COL4A4: variants seen among roughly 807,000 people sequenced by gnomAD.
COL4A4 encodes collagen type IV alpha 4 chain.
A neutral mutation model predicts 192.9 loss-of-function variants in COL4A4; 105 were observed. The ratio of observed to expected loss-of-function variants is 0.54; its 90% CI spans 0.46 to 0.64. The LOEUF (loss-of-function observed/expected upper bound fraction) is 0.64, where lower values mean the gene tolerates loss of function less well. Ranked by LOEUF, COL4A4 falls within the 30% of genes least tolerant of loss-of-function variation. COL4A4 has a pLI of 0.00. For missense variants in COL4A4, 1,967 were observed against 2,169.3 expected, an observed-to-expected ratio of 0.91 and a Z score of 1.85; for synonymous variants, 762 against 769.9, an observed-to-expected ratio of 0.99 and a Z score of 0.17.
chr2:227,017,058 TCTGTCTCAC>T (rs1485295164), intron 44 of COL4A4, among the ~76,000 whole-genome samples: 2 of 152,202 alleles, frequency 1.3e-5, no homozygotes, highest in Non-Finnish European at 2.9e-5. Context: ...CATTCCTTTC[TCTGTCTCAC>T]CCAACAAGAT....
At chr2:227,041,832 GAAAGAAAGAA>G (rs1971211007) in intron 37 of COL4A4, among the ~76,000 whole-genome samples, 1 of 47,352 alleles carries the variant, frequency 2.1e-5, no homozygotes, top group African/African-American at 1.2e-4. Flanking sequence ...AAGAAAGAAA[GAAAGAAAGAA>G]AGAAAGAGAA....
At position 227,007,571 on chromosome 2, in the gene COL4A4, G is replaced by T; in HGVS notation, c.4827C>A (p.Asp1609Glu). 6.2e-7 allele frequency: 1 copy of T among 1,612,580 alleles called. No homozygotes were observed. The highest frequency in any genetic ancestry group is 8.5e-7 in the Non-Finnish European group (1 of 1,180,020). ...YSFLMHTGAG[D>E]QGGGQALMSP... ...ACATAAGGGCCTGCCCTCCTCCTTG[G>T]TCCCCAGCTCCTGTGTGCTACCCAG... Residue 1609 changes from aspartate to glutamate, a missense_variant, in exon 48 of 48, where the codon GAC (aspartate) becomes GAA (glutamate). Coordinates refer to ENST00000396625, the MANE Select transcript of COL4A4 (RefSeq NM_000092.5).
At chr2:227,092,898 A>C (rs13401602) in intron 20 of COL4A4, among the ~76,000 whole-genome samples, 10,560 of 152,258 alleles carry the variant, frequency 0.069, 676 homozygotes, top group African/African-American at 0.16. Flanking sequence ...CTGAATTGGA[A>C]AAATTGAGAA....
intron 30 of COL4A4, 58 bp from the exon 31 acceptor site, chr2:227,054,795 C>T: frequency 1.3e-6 from 2 of 1,537,104 alleles, no homozygotes; most frequent in African/African-American, 2.8e-5. Context: ...TTTATTTTTT[C>T]AGGGGTGGGA....
Position 227,111,671 on chromosome 2 carries a change from G to A in COL4A4, c.594+7C>T, listed in dbSNP as rs2124851957. 2 of 1,613,988 alleles carry A rather than the reference G, an allele frequency of 1.2e-6. No individual in the cohort carries two copies. Among genetic ancestry groups the A allele is most frequent in the South Asian group, 2.2e-5 (2 of 91,076 alleles). On this transcript the variant is annotated splice_region_variant and intron_variant, in intron 9 of 47. Transcript: ENST00000396625. ...ATAGAAGCATAGAGCCTGCTCAGGA[G>A]ACTTACTGGTAAGCCAGGCAGTCCT...
In COL4A4 at chr2:227,005,638, A is replaced by G. The variant is rs538453112; in HGVS notation, c.*1687T>C. 1 of 152,246 alleles carries G rather than the reference A, an allele frequency of 6.6e-6. No homozygotes were observed. The highest frequency in any genetic ancestry group is 2.4e-5 in the African/African-American group (1 of 41,468). The allele number at this position is 152,246 out of a possible 1,614,324, so 9.4% of individuals were successfully genotyped here. A position where few individuals can be genotyped will look rare whatever the true frequency, so the allele number is the denominator to read the frequency against. The stretch of plus-strand genomic sequence containing the variant: ...CCACCCTGGGGGCAGCCCATAGCAA[A>G]ACTCATTTGAAATGTGTTCTGCATA... On this transcript the variant is annotated 3_prime_UTR_variant, in exon 48 of 48. Transcript: ENST00000396625.
At position 227,109,341 on chromosome 2, in the gene COL4A4, CAG is replaced by C. The variant is rs879219305; in HGVS notation, c.595-57_595-56del. Reference sequence around the variant, plus strand: ...TACCCAAAATTGTAATCATCTTTCACAGAAAGAGTTGCGTGTGATCCCATGTG... The same window carrying C: ...TACCCAAAATTGTAATCATCTTTCACAAAGAGTTGCGTGTGATCCCATGTG... On this transcript the variant is annotated intron_variant, in intron 9 of 47. Transcript: ENST00000396625. 2.1e-5 allele frequency: 30 copies of C among 1,409,614 alleles called. 1 individual carries two copies. In the South Asian group the frequency reaches 3.3e-4, roughly 16 times the overall value. The allele number at this position is 1,409,614 out of a possible 1,614,324, so 87.3% of individuals were successfully genotyped here. A position where few individuals can be genotyped will look rare whatever the true frequency, so the allele number is the denominator to read the frequency against.
intron 12 of COL4A4, among the ~76,000 whole-genome samples, chr2:227,104,797 T>C (rs13411246): frequency 0.56 from 84,623 of 150,758 alleles, 24,251 homozygotes; most frequent in Middle Eastern, 0.67. Context: ...TGCGCCACCA[T>C]GCCCGGCTAA....
chr2:227,059,762 T>C, intron 27 of COL4A4, 139 bp from the exon 28 acceptor site: 1 of 737,362 alleles, frequency 1.4e-6, no homozygotes, highest in Non-Finnish European at 2.3e-6. Context: ...TTAACAGTAA[T>C]GTTGTTTTGC....
At chr2:227,067,204 C>G (rs1443097561) in intron 25 of COL4A4, among the ~76,000 whole-genome samples, 1 of 152,030 alleles carries the variant, frequency 6.6e-6, no homozygotes, top group Non-Finnish European at 1.5e-5. Flanking sequence ...CAGGAGCACC[C>G]AGATTCATAA....
chr2:227,031,305 T>C (rs1468859055), intron 40 of COL4A4, among the ~76,000 whole-genome samples: 2 of 152,160 alleles, frequency 1.3e-5, no homozygotes, highest in African/African-American at 4.8e-5. Flanking sequence ...TGGGCATGTG[T>C]CTTTATGGAA....
At chr2:227,019,249 T>C (rs1288984838) in intron 44 of COL4A4, among the ~76,000 whole-genome samples, 1 of 152,250 alleles carries the variant, frequency 6.6e-6, no homozygotes, top group Admixed American at 6.5e-5. Context: ...CAGCTAGGAC[T>C]GCCTTGCTAA....
Position 227,043,082 on chromosome 2 carries a change from C to A in COL4A4, c.3392G>T (p.Cys1131Phe), listed in dbSNP as rs1178969462. 6.2e-7 allele frequency: 1 copy of A among 1,611,822 alleles called. No individual in the cohort carries two copies. Among genetic ancestry groups the A allele is most frequent in the Admixed American group, 1.7e-5 (1 of 60,010 alleles). The change falls in exon 36 of 48, where the codon TGC becomes TTC. Residue 1131 changes from cysteine (C) to phenylalanine (F), a missense_variant. Physicochemically the swap from Cys to Phe is radical, Grantham distance 205. Transcript: ENST00000396625. ...CAGATTTCCTTTCAAGGTACCTGGG[C>A]ACCCTGGTGGTCCAGAGGAGCCAGG... Reference protein sequence around the residue: ...GPPGSSGPPGCPGDHGMPGLR... With the variant: ...GPPGSSGPPGFPGDHGMPGLR...
At chr2:227,130,175 C>T (rs1177877710) in intron 4 of COL4A4, among the ~76,000 whole-genome samples, 1 of 152,174 alleles carries the variant, frequency 6.6e-6, no homozygotes. Context: ...TTAAAGTAAC[C>T]GCACTTGTTC....
chr2:227,051,896 TA>T (rs539936145), intron 32 of COL4A4, among the ~76,000 whole-genome samples: 27 of 151,966 alleles, frequency 1.8e-4, no homozygotes, highest in African/African-American at 6.3e-4. Context: ...TATTTATATC[TA>T]AAAAAAATGG....
Position 227,003,997 on chromosome 2 carries a change from T to C in COL4A4, c.*3328A>G, listed in dbSNP as rs1367817297. The C allele has an allele frequency of 1.3e-5, 2 of 152,246 alleles. No homozygotes were observed. Among genetic ancestry groups the C allele is most frequent in the Non-Finnish European group, 2.9e-5 (2 of 68,040 alleles). 9.4% of individuals were successfully genotyped at this position (152,246 alleles called of 1,614,324 possible). A position where few individuals can be genotyped will look rare whatever the true frequency, so the allele number is the denominator to read the frequency against. On this transcript the variant is annotated 3_prime_UTR_variant, in exon 48 of 48. Coordinates refer to ENST00000396625, the MANE Select transcript of COL4A4 (RefSeq NM_000092.5). ...TTTATACTTGTAACCGTCTTGCTGA[T>C]GAAGACCTTATATGCAGAGCTGAAC...
intron 25 of COL4A4, among the ~76,000 whole-genome samples, chr2:227,065,269 G>C (rs1356964682): frequency 6.6e-6 from 1 of 152,250 alleles, no homozygotes; most frequent in Non-Finnish European, 1.5e-5. Context: ...AGCAGTCTGA[G>C]ATCAAACTGC....
intron 45 of COL4A4, among the ~76,000 whole-genome samples, chr2:227,011,903 G>A (rs1325114071): frequency 6.6e-6 from 1 of 152,142 alleles, no homozygotes; most frequent in African/African-American, 2.4e-5. Context: ...CTGCAGAAAT[G>A]GCCAAGACTT....
intron 43 of COL4A4, chr2:227,022,514 A>G (rs767467050): frequency 1.8e-6 from 1 of 559,066 alleles, no homozygotes; most frequent in Non-Finnish European, 3.6e-6. Flanking sequence ...TCTCTGGGCC[A>G]TTTTTTACTG....
Sources: gnomAD v4.1 joint callset for allele counts (sites outside exome capture counted in the v4.1 genomes callset) on GRCh38, gnomAD v4.1.1 for gene constraint, MANE v1.5 for transcripts, NCBI Gene and HGNC (gene_info 2026-07-23, HGNC 2026-07-21) for gene names.